GRK7: variants seen among roughly 807,000 people sequenced by gnomAD.
The protein encoded by GRK7 is G protein-coupled receptor kinase 7.
GRK7 carries 24 observed loss-of-function variants against 34.1 expected under a neutral mutation model. That is an observed-to-expected ratio of 0.70 (90% confidence interval 0.51 to 0.99). The LOEUF (loss-of-function observed/expected upper bound fraction) is 0.99. GRK7 is among the 50% of genes least tolerant of loss of function. The probability of loss-of-function intolerance (pLI) is 0.00; values close to 1 mark genes in which losing one functional copy is unlikely to be tolerated. For missense variants in GRK7, 644 were observed against 707.3 expected, an observed-to-expected ratio of 0.91 and a Z score of 1.02; for synonymous variants, 256 against 279.4, an observed-to-expected ratio of 0.92 and a Z score of 0.84.
intron 4 of GRK7, among the ~76,000 whole-genome samples, chr3:141,791,438 G>A (rs2084723694): frequency 6.6e-6 from 1 of 152,064 alleles, no homozygotes; most frequent in Non-Finnish European, 1.5e-5. Flanking sequence ...GTCACATGAG[G>A]CATGAAGTCA....
rs117802924 is a variant in GRK7 at position 141,818,374 on chromosome 3, G to C, written c.*1324G>C. Reference sequence around the variant, plus strand: ...TGCACATCTATAATCCCAGTTACCCGGGAGCCTGAGGCAGGAGAATTGCTT... The same window carrying C: ...TGCACATCTATAATCCCAGTTACCCCGGAGCCTGAGGCAGGAGAATTGCTT... On this transcript the variant is annotated 3_prime_UTR_variant, in exon 6 of 6. Coordinates refer to ENST00000682958, the MANE Select transcript of GRK7 (RefSeq NM_139209.3). The C allele has an allele frequency of 6.6e-6, 1 of 152,438 alleles. No individual in the cohort carries two copies. The highest frequency in any genetic ancestry group is 2.4e-5 in the African/African-American group (1 of 41,388). The allele number at this position is 152,438 out of a possible 1,614,324, so 9.4% of individuals were successfully genotyped here.
intron 5 of GRK7, among the ~76,000 whole-genome samples, chr3:141,811,354 A>G (rs537290561): frequency 1.3e-5 from 2 of 152,034 alleles, no homozygotes; most frequent in Non-Finnish European, 2.9e-5. Context: ...AAAATAAAAT[A>G]TATCTTAATA....
chr3:141,793,270 G>T (rs1372630087), intron 4 of GRK7, among the ~76,000 whole-genome samples: 1 of 152,040 alleles, frequency 6.6e-6, no homozygotes, highest in Non-Finnish European at 1.5e-5. Context: ...CTTGCCACTG[G>T]CATTCAAAGC....
intron 1 of GRK7, among the ~76,000 whole-genome samples, chr3:141,767,892 T>A (rs1432179389): frequency 6.6e-6 from 1 of 152,098 alleles, no homozygotes; most frequent in Non-Finnish European, 1.5e-5. Context: ...AGCATTTAAG[T>A]TTTTTCTGGT....
Position 141,817,210 on chromosome 3 carries a change from T to C in GRK7, c.*160T>C, listed in dbSNP as rs1013396608. On this transcript the variant is annotated 3_prime_UTR_variant, in exon 6 of 6. Transcript: ENST00000682958. ...GGCAAGCTCACTACTAGAACACATT[T>C]TATTTTCTTTTTCTTTCTTCATAAA... The C allele has an allele frequency of 1.3e-5, 7 of 528,396 alleles. No individual in the cohort carries two copies. The African/African-American group carries it at 1.3e-4, about 10-fold the overall frequency. 32.7% of individuals were successfully genotyped at this position (528,396 alleles called of 1,614,324 possible).
chr3:141,754,369 G>C, the GRK7 span, among the ~76,000 whole-genome samples: 1 of 151,424 alleles, frequency 6.6e-6, no homozygotes, highest in East Asian at 1.9e-4. Context: ...TGGGAAAAAG[G>C]ATTTTTTTTT....
At chr3:141,769,453 AAC>A (rs1264852229) in intron 1 of GRK7, among the ~76,000 whole-genome samples, 1 of 152,214 alleles carries the variant, frequency 6.6e-6, no homozygotes, top group Non-Finnish European at 1.5e-5. Context: ...GTGTCTTTGA[AAC>A]ACAAATATAT....
chr3:141,757,121 ATCT>A, the GRK7 span, among the ~76,000 whole-genome samples: 2 of 129,598 alleles, frequency 1.5e-5, no homozygotes, highest in East Asian at 2.3e-4. Flanking sequence ...ATACGCTTAG[ATCT>A]TCTTCTTTTT....
chr3:141,756,915 T>A, the GRK7 span, among the ~76,000 whole-genome samples: 2 of 152,250 alleles, frequency 1.3e-5, no homozygotes, highest in East Asian at 3.9e-4. Flanking sequence ...AAGAAGTTTC[T>A]CAAAACTCAG....
intron 4 of GRK7, among the ~76,000 whole-genome samples, chr3:141,800,075 T>C (rs1029161293): frequency 1.3e-5 from 2 of 152,122 alleles, no homozygotes; most frequent in African/African-American, 4.8e-5. Context: ...TTGTTTATAG[T>C]CTCTTTATGC....
chr3:141,756,127 C>T, the GRK7 span, among the ~76,000 whole-genome samples: 5 of 151,972 alleles, frequency 3.3e-5, no homozygotes, highest in East Asian at 1.9e-4. Flanking sequence ...GCCCAGCTAA[C>T]GTGGTAAAAC....
intron 4 of GRK7, among the ~76,000 whole-genome samples, chr3:141,787,529 C>A (rs1329658437): frequency 6.6e-6 from 1 of 150,554 alleles, no homozygotes; most frequent in Non-Finnish European, 1.5e-5. Flanking sequence ...GTGGCTGAGG[C>A]AGGAGAATTG....
At chr3:141,795,533 G>A (rs1378663361) in intron 4 of GRK7, among the ~76,000 whole-genome samples, 1 of 152,216 alleles carries the variant, frequency 6.6e-6, no homozygotes, top group Non-Finnish European at 1.5e-5. Flanking sequence ...TACAACTAGA[G>A]AGTTTAGCAG....
At chr3:141,797,191 G>A (rs1710894071) in intron 4 of GRK7, among the ~76,000 whole-genome samples, 1 of 152,220 alleles carries the variant, frequency 6.6e-6, no homozygotes, top group African/African-American at 2.4e-5. Context: ...GTCCTTCCAG[G>A]GGTGTCAGGG....
At chr3:141,810,875 T>G (rs1711086210) in intron 5 of GRK7, among the ~76,000 whole-genome samples, 1 of 152,140 alleles carries the variant, frequency 6.6e-6, no homozygotes, top group Non-Finnish European at 1.5e-5. Flanking sequence ...TGACAATCAC[T>G]AACAATCTCT....
At chr3:141,787,505 T>G (rs968458624) in intron 4 of GRK7, among the ~76,000 whole-genome samples, 1 of 151,382 alleles carries the variant, frequency 6.6e-6, no homozygotes, top group African/African-American at 2.4e-5. Context: ...GCACCTGTAA[T>G]CCCAGCTACT....
chr3:141,800,891 C>G (rs1710953542), intron 4 of GRK7, among the ~76,000 whole-genome samples: 5 of 152,174 alleles, frequency 3.3e-5, no homozygotes. Context: ...TATTAAAATT[C>G]ATTGAGCTGA....
chr3:141,765,915 A>G (rs1041663989), intron 1 of GRK7, among the ~76,000 whole-genome samples, 177 bp downstream of exon 1: 1 of 152,196 alleles, frequency 6.6e-6, no homozygotes, highest in Admixed American at 6.5e-5. Context: ...CTTCACTTGC[A>G]ATGTGCTATC....
chr3:141,757,129 CTTTTTTTTTTTTTTTTT>C, the GRK7 span, among the ~76,000 whole-genome samples: 3 of 101,362 alleles, frequency 3.0e-5, no homozygotes, highest in African/African-American at 1.2e-4. Context: ...AGATCTTCTT[CTTTTTTTTTTTTTTTTT>C]CTTTTTTTTT....
Sources: gnomAD v4.1 joint callset for allele counts (sites outside exome capture counted in the v4.1 genomes callset) on GRCh38, gnomAD v4.1.1 for gene constraint, MANE v1.5 for transcripts, NCBI Gene and HGNC (gene_info 2026-07-23, HGNC 2026-07-21) for gene names.